ALDH2: variants seen among roughly 807,000 people sequenced by gnomAD.
ALDH2 encodes aldehyde dehydrogenase, mitochondrial.
A neutral mutation model predicts 59.6 loss-of-function variants in ALDH2; 44 were observed. The observed-to-expected ratio is 0.74, with a 90% CI of 0.58 to 0.95. The LOEUF (loss-of-function observed/expected upper bound fraction) is 0.95, where lower values mean the gene tolerates loss of function less well. ALDH2 is among the 40% of genes least tolerant of loss of function. The pLI is 0.00. For missense variants in ALDH2, 570 were observed against 696.3 expected (o/e 0.82, Z 2.04); for synonymous variants, 291 against 284.0 (o/e 1.02, Z -0.25).
chr12:111,802,880 A>G (rs1294098726), intron 11 of ALDH2, among the ~76,000 whole-genome samples: 3 of 137,948 alleles, frequency 2.2e-5, no homozygotes, highest in African/African-American at 7.9e-5. Context: ...ACTCTGTCTC[A>G]AAAAAAAAAA....
chr12:111,785,876 A>T (rs548540847), intron 4 of ALDH2, among the ~76,000 whole-genome samples: 37 of 152,320 alleles, frequency 2.4e-4, no homozygotes, highest in South Asian at 2.3e-3. Context: ...TTCTTGAGTC[A>T]CTTTTGGTAC....
chr12:111,790,792 C>T lies in ALDH2; in HGVS notation c.681+230C>T, dbSNP rs143671643. 7.2e-5 allele frequency among the ~76,000 whole-genome samples: 11 copies of T among 152,270 alleles called. No homozygotes were observed. The East Asian group carries it at 1.3e-3, about 19-fold the overall frequency. Reference sequence around the variant, plus strand: ...GCTCTAGGCCAGGCTTGGTGGCTCACGCCTGCAATCCCAGCACTTTGGGTG... The same window carrying T: ...GCTCTAGGCCAGGCTTGGTGGCTCATGCCTGCAATCCCAGCACTTTGGGTG... On this transcript the variant is annotated intron_variant, in intron 6 of 12. Coordinates refer to ENST00000261733, the MANE Select transcript of ALDH2 (RefSeq NM_000690.4).
At chr12:111,785,216 TTTCCTCTCATTCCTG>T in intron 3 of ALDH2, 36 bp from the exon 4 acceptor site, 1 of 1,489,568 alleles carries the variant, frequency 6.7e-7, no homozygotes, top group Non-Finnish European at 9.4e-7. Flanking sequence ...AGCCCTTTGT[TTTCCTCTCATTCCTG>T]CACCCATGTC....
At chr12:111,782,978 C>A (rs2068283518) in intron 2 of ALDH2, among the ~76,000 whole-genome samples, 180 bp from the exon 3 acceptor site, 1 of 152,162 alleles carries the variant, frequency 6.6e-6, no homozygotes, top group Non-Finnish European at 1.5e-5. Flanking sequence ...TGTTATTCAA[C>A]CCCATTGCTG....
intron 10 of ALDH2, among the ~76,000 whole-genome samples, chr12:111,798,678 G>A (rs2068424303): frequency 6.6e-6 from 1 of 152,084 alleles, no homozygotes; most frequent in South Asian, 2.1e-4. Flanking sequence ...GGGACTACAG[G>A]TGCTCACCAC....
intron 4 of ALDH2, among the ~76,000 whole-genome samples, chr12:111,788,270 A>G (rs1289467747): frequency 1.3e-5 from 2 of 152,110 alleles, no homozygotes; most frequent in African/African-American, 2.4e-5. Flanking sequence ...GCACACAGCC[A>G]GGGCAATCAC....
chr12:111,792,584 C>G lies in ALDH2; in HGVS notation c.899-14C>G, dbSNP rs1369272855. 2 of 1,606,808 alleles carry G rather than the reference C, an allele frequency of 1.2e-6. No individual in the cohort carries two copies. Among genetic ancestry groups the G allele is most frequent in the Non-Finnish European group, 1.7e-6 (2 of 1,177,910 alleles). On this transcript the variant is annotated splice_polypyrimidine_tract_variant and intron_variant, in intron 8 of 12. Transcript: ENST00000261733. ...CTCACTGTCACCTTTCTGTCTCCTGCCCACTTCCCGCAGTGGATTGGGCCG... is the reference window on the plus strand; with the variant it reads ...CTCACTGTCACCTTTCTGTCTCCTGGCCACTTCCCGCAGTGGATTGGGCCG...
intron 1 of ALDH2, among the ~76,000 whole-genome samples, chr12:111,776,396 G>A (rs1463687427): frequency 6.6e-6 from 1 of 152,100 alleles, no homozygotes; most frequent in Non-Finnish European, 1.5e-5. Flanking sequence ...TCAGCCCCCA[G>A]AAGTACTCGA....
intron 12 of ALDH2, among the ~76,000 whole-genome samples, chr12:111,806,238 A>AGCT (rs983489110): frequency 2.0e-5 from 3 of 151,534 alleles, no homozygotes; most frequent in African/African-American, 7.3e-5. Context: ...AATGGCGTGA[A>AGCT]CCCAGTGGGT....
intron 11 of ALDH2, among the ~76,000 whole-genome samples, chr12:111,801,149 C>T (rs1441736022): frequency 2.6e-5 from 4 of 152,200 alleles, no homozygotes; most frequent in African/African-American, 4.8e-5. Flanking sequence ...GCATGTCTCA[C>T]GTGGTGGCAG....
chr12:111,816,304 T>G lies in ALDH2; in HGVS notation c.*6729T>G, dbSNP rs1474509624. On this transcript the variant is annotated 3_prime_UTR_variant, in exon 13 of 13. Coordinates refer to ENST00000261733, the MANE Select transcript of ALDH2 (RefSeq NM_000690.4). ...GGGCCCTGAGCTTTAGTGCCCTTTG[T>G]ATTTATTGGGTAAAGGAGATAGGGA... The G allele has an allele frequency of 6.6e-6, 1 of 152,178 alleles. No individual in the cohort carries two copies. Among genetic ancestry groups the G allele is most frequent in the Admixed American group, 6.5e-5 (1 of 15,270 alleles). 9.4% of individuals were successfully genotyped at this position (152,178 alleles called of 1,614,324 possible).
At chr12:111,790,639 CA>C in intron 6 of ALDH2, 77 bp downstream of exon 6, 2 of 1,585,806 alleles carry the variant, frequency 1.3e-6, no homozygotes, top group South Asian at 1.1e-5. Flanking sequence ...AGAAGGGTCT[CA>C]GGGGTCCCTA....
rs1258860703 is a variant in ALDH2, at chr12:111,816,128, T to A, written c.*6553T>A. The stretch of plus-strand genomic sequence containing the variant: ...GGCTTGGTGTCCTCCCCCATGGTAA[T>A]GAGTTCACTCAAGAGCTGGTTGTTT... On this transcript the variant is annotated 3_prime_UTR_variant, in exon 13 of 13. Transcript: ENST00000261733. 1 of 152,176 alleles carries A rather than the reference T, an allele frequency of 6.6e-6. No individual in the cohort carries two copies. Among genetic ancestry groups the A allele is most frequent in the Admixed American group, 6.5e-5 (1 of 15,276 alleles). 9.4% of individuals were successfully genotyped at this position (152,176 alleles called of 1,614,324 possible). A position where few individuals can be genotyped will look rare whatever the true frequency, so the allele number is the denominator to read the frequency against.
chr12:111,813,125 T>C lies in ALDH2; in HGVS notation c.*3550T>C, dbSNP rs1593092737. ...GGAACCCATTAGAACCTTAAGCAGC[T>C]GTCTGAAGTAAAAACAAAGCTCTCA... On this transcript the variant is annotated 3_prime_UTR_variant, in exon 13 of 13. Coordinates refer to ENST00000261733, the MANE Select transcript of ALDH2 (RefSeq NM_000690.4). 6.6e-6 allele frequency: 1 copy of C among 152,220 alleles called. No individual in the cohort carries two copies. Among genetic ancestry groups the C allele is most frequent in the East Asian group, 1.9e-4 (1 of 5,200 alleles). 9.4% of individuals were successfully genotyped at this position (152,220 alleles called of 1,614,324 possible). A position where few individuals can be genotyped will look rare whatever the true frequency, so the allele number is the denominator to read the frequency against.
chr12:111,780,093 G>A (rs1011414948), intron 1 of ALDH2, among the ~76,000 whole-genome samples: 9 of 151,964 alleles, frequency 5.9e-5, no homozygotes, highest in African/African-American at 2.2e-4. Flanking sequence ...GGGTTTCACC[G>A]TGTTGGCCAG....
At chr12:111,800,551 A>G (rs988471148) in intron 11 of ALDH2, among the ~76,000 whole-genome samples, 102 of 152,142 alleles carry the variant, frequency 6.7e-4, no homozygotes, top group Non-Finnish European at 2.2e-4. Flanking sequence ...CTGCCTCCTG[A>G]GTAGCTGGGA....
intron 5 of ALDH2, 126 bp from the exon 6 acceptor site, chr12:111,790,308 A>C (rs2068347980): frequency 4.2e-6 from 5 of 1,201,244 alleles, no homozygotes; most frequent in Non-Finnish European, 6.0e-6. Flanking sequence ...GGATGGAGTT[A>C]GGGGAGGACA....
In ALDH2 at chr12:111,811,583, C is replaced by A. The variant is rs1377387930; in HGVS notation, c.*2008C>A. 6.6e-6 allele frequency: 1 copy of A among 151,484 alleles called. No homozygotes were observed. The highest frequency in any genetic ancestry group is 6.6e-5 in the Admixed American group (1 of 15,184). 9.4% of individuals were successfully genotyped at this position (151,484 alleles called of 1,614,324 possible). ...CTGCCTCCTGGGTTGGAGCAATTCT[C>A]CTGCCTCAGCCTCCTGAGTAGCTGG... On this transcript the variant is annotated 3_prime_UTR_variant, in exon 13 of 13. Coordinates refer to ENST00000261733, the MANE Select transcript of ALDH2 (RefSeq NM_000690.4).
At chr12:111,803,179 CATCTCAAAAAATA>C (rs1171341383) in intron 11 of ALDH2, among the ~76,000 whole-genome samples, 7 of 148,694 alleles carry the variant, frequency 4.7e-5, no homozygotes, top group African/African-American at 1.5e-4. Flanking sequence ...AGTGAAACTC[CATCTCAAAAAATA>C]ATCTCAAAAA....
Sources: gnomAD v4.1 joint callset for allele counts (sites outside exome capture counted in the v4.1 genomes callset) on GRCh38, gnomAD v4.1.1 for gene constraint, MANE v1.5 for transcripts, NCBI Gene and HGNC (gene_info 2026-07-23, HGNC 2026-07-21) for gene names.